YJEFN3: variants seen among roughly 807,000 people sequenced by gnomAD.
The protein encoded by YJEFN3 is YjeF N-terminal domain containing 3.
Under a neutral mutation model 31.5 loss-of-function variants are expected in YJEFN3, and 29 were observed. The observed-to-expected ratio is 0.92, with a 90% CI of 0.69 to 1.26. The LOEUF (loss-of-function observed/expected upper bound fraction) is 1.26. Ranked by LOEUF, YJEFN3 falls within the 50% of genes most tolerant of loss-of-function variation. The probability of loss-of-function intolerance (pLI) is 0.00; values close to 1 mark genes in which losing one functional copy is unlikely to be tolerated. For synonymous variants in YJEFN3, 227 were observed against 196.1 expected (o/e 1.16, Z -1.32); for missense variants, 442 against 425.4 (o/e 1.04, Z -0.34).
chr19:19,529,815 T>A (rs2061136843), intron 2 of YJEFN3, among the ~76,000 whole-genome samples: 1 of 152,088 alleles, frequency 6.6e-6, no homozygotes, highest in African/African-American at 2.4e-5. Context: ...GGGTAGGAGC[T>A]AGAACGTAGT....
intron 3 of YJEFN3, chr19:19,533,607 CA>C (rs1443467897): frequency 6.6e-5 from 62 of 938,574 alleles, no homozygotes; most frequent in Non-Finnish European, 7.1e-5. Context: ...ACCTCCTCCC[CA>C]TCCTCCTCCT....
rs770018012 is a variant in YJEFN3 at position 19,528,971 on chromosome 19, C to G, written c.39C>G (p.Pro13=). The change falls in exon 1 of 7, where the codon CCC becomes CCG. Residue 13 remains proline, a synonymous_variant. Transcript: ENST00000514277. ...SAAGPDPSEA[P]EERHFLRALE... ...CCGGCCCAGACCCGTCGGAGGCGCC[C>G]GAAGAGCGGCATTTCCTCAGGTCAG... 6.5e-7 allele frequency: 1 copy of G among 1,550,254 alleles called. No individual in the cohort carries two copies. Among genetic ancestry groups the G allele is most frequent in the African/African-American group, 1.4e-5 (1 of 73,034 alleles).
chr19:19,536,050 C>G, intron 6 of YJEFN3: 1 of 517,140 alleles, frequency 1.9e-6, no homozygotes. Context: ...CGCTGGCCAG[C>G]CGGACCCTCC....
intron 1 of YJEFN3, 165 bp from the exon 2 acceptor site, chr19:19,529,190 TGGGAATCCC>T (rs2061128900): frequency 2.1e-6 from 3 of 1,448,570 alleles, no homozygotes; most frequent in South Asian, 2.9e-5. Context: ...AAGACGGGCC[TGGGAATCCC>T]GGGAATCCGA....
At chr19:19,529,549 C>T in intron 2 of YJEFN3, 36 bp downstream of exon 2, 1 of 1,601,682 alleles carries the variant, frequency 6.2e-7, no homozygotes, top group Non-Finnish European at 8.5e-7. Context: ...GGCGCCGTGG[C>T]TGTGACTCTC....
intron 6 of YJEFN3, among the ~76,000 whole-genome samples, chr19:19,536,552 G>T (rs776598146): frequency 1.3e-5 from 2 of 152,104 alleles, no homozygotes; most frequent in African/African-American, 2.4e-5. Flanking sequence ...AGTGGTGCAC[G>T]CCTGTAGTCC....
In YJEFN3 at chr19:19,534,159, T is replaced by C; in HGVS notation, c.319-875T>C. 1 of 985,544 alleles carries C rather than the reference T, an allele frequency of 1.0e-6. No individual in the cohort carries two copies. The highest frequency in any genetic ancestry group is 1.2e-6 in the Non-Finnish European group (1 of 830,086). The allele number at this position is 985,544 out of a possible 1,614,324, so 61.0% of individuals were successfully genotyped here. ...AGGGCAGGGCTGGGGCCAAAATGCC[T>C]GGAGAGACAGAGTCTGAGAGATACA... is the stretch of plus-strand genomic sequence containing the variant. On this transcript the variant is annotated intron_variant, in intron 3 of 6. Coordinates refer to ENST00000514277, the MANE Select transcript of YJEFN3 (RefSeq NM_198537.4). The surrounding 1 kb of genome is among the most constrained non-coding windows in gnomAD (Gnocchi z 4.6).
intron 3 of YJEFN3, chr19:19,533,554 C>T: frequency 1.4e-6 from 1 of 714,914 alleles, no homozygotes. Flanking sequence ...TCTCCCTCCT[C>T]CTCCCCCTCC....
intron 2 of YJEFN3, among the ~76,000 whole-genome samples, chr19:19,530,710 C>T (rs2061146989): frequency 6.6e-6 from 1 of 152,156 alleles, no homozygotes; most frequent in African/African-American, 2.4e-5. Context: ...GCTGGCCTGC[C>T]CCGGGGGGAC....
At chr19:19,535,912 G>A in intron 6 of YJEFN3, 2 of 632,294 alleles carry the variant, frequency 3.2e-6, no homozygotes, top group Non-Finnish European at 5.6e-6. Context: ...CAGCCCACAT[G>A]CCCTCTGCCC....
At chr19:19,530,394 C>G (rs2061143520) in intron 2 of YJEFN3, among the ~76,000 whole-genome samples, 1 of 147,830 alleles carries the variant, frequency 6.8e-6, no homozygotes, top group African/African-American at 2.5e-5. Context: ...CACCCCACAG[C>G]TGCTGCTGTG....
At chr19:19,529,033 A>C in intron 1 of YJEFN3, 42 bp downstream of exon 1, 2 of 1,548,766 alleles carry the variant, frequency 1.3e-6, no homozygotes, top group Non-Finnish European at 8.7e-7. Flanking sequence ...CATGGTTCCC[A>C]TGGGGCCAGG....
rs1203257375 is a variant in YJEFN3 at position 19,535,114 on chromosome 19, G to A, written c.399G>A (p.Gly133=). 1.9e-6 allele frequency: 3 copies of A among 1,610,710 alleles called. No homozygotes were observed. The highest frequency in any genetic ancestry group is 1.7e-5 in the Admixed American group (1 of 59,624). The stretch of plus-strand genomic sequence containing the variant: ...GCCCGGAGCAGAACGGGGCAGTGGG[G>A]CTGGTCTGTGCCCGGCACCTGCGGG... ...VCGPEQNGAV[G]LVCARHLRVF... The change falls in exon 4 of 7, where the codon GGG becomes GGA. Residue 133 remains glycine, a synonymous_variant. Coordinates refer to ENST00000514277, the MANE Select transcript of YJEFN3 (RefSeq NM_198537.4).
At chr19:19,533,941 AGGTCAG>A in intron 3 of YJEFN3, 1 of 985,522 alleles carries the variant, frequency 1.0e-6, no homozygotes, top group Non-Finnish European at 1.2e-6. Context: ...TGTTCATGGC[AGGTCAG>A]GACTGCGCTA....
intron 6 of YJEFN3, chr19:19,535,887 C>A: frequency 1.4e-6 from 1 of 700,528 alleles, no homozygotes; most frequent in Non-Finnish European, 2.5e-6. Context: ...CTCCTCTTTC[C>A]TCCACCCCAG....
intron 1 of YJEFN3, 67 bp from the exon 2 acceptor site, chr19:19,529,297 C>A: frequency 6.5e-7 from 1 of 1,535,632 alleles, no homozygotes; most frequent in Admixed American, 2.0e-5. Flanking sequence ...AATGATTCAT[C>A]AGCAGCGCTG....
chr19:19,536,116 T>C, intron 6 of YJEFN3: 1 of 410,340 alleles, frequency 2.4e-6, no homozygotes, highest in Middle Eastern at 6.7e-4. Context: ...CCCAGGGACA[T>C]CCCAGCAGGT....
At position 19,528,992 on chromosome 19, in the gene YJEFN3, G is replaced by C; in HGVS notation, c.59+1G>C. The C allele has an allele frequency of 6.4e-7, 1 of 1,550,760 alleles. No individual in the cohort carries two copies. Among genetic ancestry groups the C allele is most frequent in the Non-Finnish European group, 8.7e-7 (1 of 1,146,810 alleles). On this transcript the variant is annotated splice_donor_variant, in intron 1 of 6. Transcript: ENST00000514277. LOFTEE classifies it high-confidence loss of function. ...CGCCCGAAGAGCGGCATTTCCTCAG[G>C]TCAGCTGGGGAGAGGGAAGCTGGAG...
At chr19:19,536,680 AAAAC>A (rs1386282854) in intron 6 of YJEFN3, among the ~76,000 whole-genome samples, 3 of 150,076 alleles carry the variant, frequency 2.0e-5, no homozygotes, top group East Asian at 2.0e-4. Flanking sequence ...CTGTATCTTA[AAAAC>A]AAACAGGCTG....
Sources: allele counts gnomAD v4.1 joint callset (sites outside exome capture counted in the v4.1 genomes callset), GRCh38; gene constraint gnomAD v4.1.1; non-coding constraint Gnocchi (gnomAD v3.1); transcripts MANE v1.5; gene names NCBI Gene and HGNC (gene_info 2026-07-23, HGNC 2026-07-21).